The following RPGRIP1L variants were observed in gnomAD, a reference collection of about 807,000 sequenced individuals.
The protein encoded by RPGRIP1L is RPGRIP1 like, also known as protein fantom.
RPGRIP1L carries 131 observed loss-of-function variants against 160.4 expected under a neutral mutation model. That is an observed-to-expected ratio of 0.82 (90% confidence interval 0.71 to 0.94). The LOEUF is 0.94. Ranked by LOEUF, RPGRIP1L falls within the 40% of genes least tolerant of loss-of-function variation. The pLI is 0.00. For missense variants in RPGRIP1L, 1,522 were observed against 1,535.8 expected (o/e 0.99, Z 0.15); for synonymous variants, 510 against 515.8 (o/e 0.99, Z 0.15).
In RPGRIP1L at chr16:53,657,545, C is replaced by A. The variant is rs756821449; in HGVS notation, c.1489G>T (p.Glu497Ter). Reference sequence around the variant, plus strand: ...GTTTCTGCATGAGTTGCTTGCAGCTCTCTCATAGAGCGTTCTAGATCTTTA... The same window carrying A: ...GTTTCTGCATGAGTTGCTTGCAGCTATCTCATAGAGCGTTCTAGATCTTTA... Reference protein sequence around the residue: ...INKDLERSMRELQATHAETVQ... With the variant: ...INKDLERSMR The change falls in exon 13 of 27, where the codon GAG becomes TAG. Residue 497 changes from glutamate (E) to a stop codon, truncating the protein, a stop_gained. Transcript: ENST00000647211. LOFTEE classifies it high-confidence loss of function. The A allele has an allele frequency of 2.4e-5, 38 of 1,608,180 alleles. No homozygotes were observed. Among genetic ancestry groups the A allele is most frequent in the Non-Finnish European group, 3.1e-5 (37 of 1,175,088 alleles).
chr16:53,687,377 T>G (rs1970093392), intron 5 of RPGRIP1L, among the ~76,000 whole-genome samples: 1 of 152,136 alleles, frequency 6.6e-6, no homozygotes, highest in Admixed American at 6.5e-5. Context: ...GAAGTAACTT[T>G]TTTGAAACCA....
rs1180428100 is a variant in RPGRIP1L at position 53,656,473 on chromosome 16, T to G, written c.1698A>C (p.Glu566Asp). Residue 566 changes from glutamate to aspartate, a missense_variant and splice_region_variant, in exon 14 of 27, where the codon GAA becomes GAC. Coordinates refer to ENST00000647211, the MANE Select transcript of RPGRIP1L (RefSeq NM_015272.5). ...DIRAARIHKL[E>D]AQLKDIAYGT... is the part of the protein sequence containing the mutation. ...ACCAAAAAATCGTATATGTTGTACC[T>G]TCTAGTTTATGGATACGTGCAGCCC... 1 of 1,595,226 alleles carries G rather than the reference T, an allele frequency of 6.3e-7. No homozygotes were observed. The highest frequency in any genetic ancestry group is 2.2e-5 in the East Asian group (1 of 44,764).
intron 25 of RPGRIP1L, among the ~76,000 whole-genome samples, chr16:53,606,399 T>A (rs772686578): frequency 1.3e-5 from 2 of 152,196 alleles, no homozygotes; most frequent in Non-Finnish European, 2.9e-5. Flanking sequence ...CATTTTAAAC[T>A]TTTCAAAATG....
At chr16:53,608,424 A>T (rs144329020) in intron 25 of RPGRIP1L, among the ~76,000 whole-genome samples, 1 of 152,260 alleles carries the variant, frequency 6.6e-6, no homozygotes, top group East Asian at 1.9e-4. Flanking sequence ...TCAGGGGTGG[A>T]TCTGTTCAAC....
intron 22 of RPGRIP1L, chr16:53,628,233 TAGA>T (rs1430328339): frequency 6.6e-6 from 1 of 151,842 alleles, no homozygotes; most frequent in Admixed American, 6.6e-5. Context: ...AAAATGGAAA[TAGA>T]AGGCCAAGAT....
intron 26 of RPGRIP1L, among the ~76,000 whole-genome samples, chr16:53,605,108 G>A (rs891884812): frequency 6.6e-6 from 1 of 151,968 alleles, no homozygotes; most frequent in East Asian, 1.9e-4. Context: ...TTGAGCCTAG[G>A]AAGTCGAGGC....
chr16:53,622,182 G>T, intron 23 of RPGRIP1L, 37 bp downstream of exon 23: 1 of 617,894 alleles, frequency 1.6e-6, no homozygotes, highest in South Asian at 1.9e-5. Context: ...GGCCAACATA[G>T]TGAAACCCCG....
intron 1 of RPGRIP1L, among the ~76,000 whole-genome samples, chr16:53,701,047 C>T (rs1176563284): frequency 6.6e-6 from 1 of 152,176 alleles, no homozygotes; most frequent in Non-Finnish European, 1.5e-5. Context: ...TTGGAAAAAA[C>T]TCAGGTCAGG....
intron 8 of RPGRIP1L, 57 bp from the exon 9 acceptor site, chr16:53,671,640 T>TA (rs575523967): frequency 1.3e-3 from 1,152 of 888,806 alleles, no homozygotes; most frequent in Middle Eastern, 2.7e-3. Context: ...CACTTGGGGG[T>TA]AAAAAAAAAC....
At chr16:53,676,269 C>T (rs1969155179) in intron 6 of RPGRIP1L, among the ~76,000 whole-genome samples, 1 of 152,054 alleles carries the variant, frequency 6.6e-6, no homozygotes, top group Non-Finnish European at 1.5e-5. Flanking sequence ...GCCCAGGGTA[C>T]AGTCTTAACA....
chr16:53,671,034 C>T (rs1456662968), intron 9 of RPGRIP1L, among the ~76,000 whole-genome samples: 1 of 152,080 alleles, frequency 6.6e-6, no homozygotes, highest in African/African-American at 2.4e-5. Context: ...GAAGTTGAGG[C>T]TGCAGTGAGC....
At chr16:53,620,644 A>G (rs1350043749) in intron 23 of RPGRIP1L, among the ~76,000 whole-genome samples, 1 of 152,210 alleles carries the variant, frequency 6.6e-6, no homozygotes, top group African/African-American at 2.4e-5. Flanking sequence ...TATGCTTTTC[A>G]TATTCAAATT....
At chr16:53,652,480 GAT>G in intron 15 of RPGRIP1L, 53 bp downstream of exon 15, 1 of 1,355,416 alleles carries the variant, frequency 7.4e-7, no homozygotes, top group Non-Finnish European at 1.1e-6. Context: ...GTACCATAAC[GAT>G]ATATAAACCA....
intron 19 of RPGRIP1L, among the ~76,000 whole-genome samples, chr16:53,638,986 T>C (rs905179798): frequency 3.3e-5 from 5 of 151,858 alleles, no homozygotes; most frequent in Non-Finnish European, 7.4e-5. Flanking sequence ...CTGTTTTTTT[T>C]TTCTTCTTTG....
chr16:53,629,156 T>C (rs1456849177), intron 22 of RPGRIP1L, among the ~76,000 whole-genome samples: 2 of 152,142 alleles, frequency 1.3e-5, no homozygotes, highest in Non-Finnish European at 2.9e-5. Flanking sequence ...CAGTGGTTCT[T>C]GATTTTGGCT....
At chr16:53,653,361 G>A in intron 14 of RPGRIP1L, 1 of 1,059,088 alleles carries the variant, frequency 9.4e-7, no homozygotes, top group Non-Finnish European at 1.1e-6. Flanking sequence ...CTCTCTTTCT[G>A]CTGCCTCCTT....
intron 3 of RPGRIP1L, chr16:53,694,298 A>G (rs112654894): frequency 0.053 from 8,054 of 151,778 alleles, 396 homozygotes; most frequent in East Asian, 0.3. Flanking sequence ...TTAGCCAGGT[A>G]TGGTGGCAGG....
chr16:53,637,026 C>T (rs1469095966), intron 21 of RPGRIP1L, among the ~76,000 whole-genome samples: 2 of 151,768 alleles, frequency 1.3e-5, no homozygotes, highest in Non-Finnish European at 2.9e-5. Context: ...TGCTATGTTA[C>T]CCAGGCTGGG....
chr16:53,602,338 T>G, intron 26 of RPGRIP1L, 150 bp from the exon 27 acceptor site: 1 of 685,100 alleles, frequency 1.5e-6, no homozygotes, highest in South Asian at 1.5e-5. Context: ...AGAATAAACC[T>G]TGTCACGTGT....
Sources: allele counts gnomAD v4.1 joint callset (sites outside exome capture counted in the v4.1 genomes callset), GRCh38; gene constraint gnomAD v4.1.1; transcripts MANE v1.5; gene names NCBI Gene and HGNC (gene_info 2026-07-23, HGNC 2026-07-21).